The following ABCB1 variants were observed in gnomAD, a reference collection of about 807,000 sequenced individuals.
ABCB1 encodes ATP binding cassette subfamily B member 1, also known as ATP-dependent translocase ABCB1.
ABCB1 carries 69 observed loss-of-function variants against 142.0 expected under a neutral mutation model. That is an observed-to-expected ratio of 0.49 (90% CI 0.40 to 0.59). The LOEUF is 0.59. Ranked by LOEUF, ABCB1 falls within the 20% of genes least tolerant of loss-of-function variation. The probability of loss-of-function intolerance (pLI) is 0.00; values close to 1 mark genes in which losing one functional copy is unlikely to be tolerated. For missense variants in ABCB1, 1,326 were observed against 1,554.7 expected, an observed-to-expected ratio of 0.85 and a Z score of 2.47; for synonymous variants, 532 against 539.2, an observed-to-expected ratio of 0.99 and a Z score of 0.18.
intron 1 of ABCB1, among the ~76,000 whole-genome samples, chr7:87,697,034 A>G (rs536242265): frequency 6.6e-6 from 1 of 152,300 alleles, no homozygotes; most frequent in South Asian, 2.1e-4. Flanking sequence ...AACATCCTAC[A>G]AGTTATTTTC....
At chr7:87,538,198 C>T (rs1008913672) in intron 19 of ABCB1, among the ~76,000 whole-genome samples, 1 of 152,124 alleles carries the variant, frequency 6.6e-6, no homozygotes. Flanking sequence ...CAGCAGTTGG[C>T]CTGGAGGCTG....
At chr7:87,539,373 G>T (rs1479610510) in intron 18 of ABCB1, 28 bp from the exon 19 acceptor site, 1 of 1,600,506 alleles carries the variant, frequency 6.2e-7, no homozygotes, top group African/African-American at 1.3e-5. Context: ...CCTTGTCAGG[G>T]ACCCAGCCAC....
rs200145912 is a variant in ABCB1 at position 87,519,307 on chromosome 7, A to G, written c.2927+19T>C. Reference sequence around the variant, plus strand: ...AGCTTTATTTTTAGAGCTTAACTAAATAATAGCCCAATACTTACAACAGAA... The same window carrying G: ...AGCTTTATTTTTAGAGCTTAACTAAGTAATAGCCCAATACTTACAACAGAA... On this transcript the variant is annotated intron_variant, in intron 23 of 27. Coordinates refer to ENST00000622132, the MANE Select transcript of ABCB1 (RefSeq NM_001348946.2). The G allele has an allele frequency of 2.5e-6, 4 of 1,612,250 alleles. No individual in the cohort carries two copies. Among genetic ancestry groups the G allele is most frequent in the Middle Eastern group, 1.6e-4 (1 of 6,080 alleles).
intron 8 of ABCB1, 90 bp downstream of exon 8, chr7:87,561,173 G>T (rs1272645749): frequency 1.3e-6 from 2 of 1,486,464 alleles, no homozygotes; most frequent in African/African-American, 2.8e-5. Flanking sequence ...ATATATGGGA[G>T]AAAATGCTTA....
intron 1 of ABCB1, among the ~76,000 whole-genome samples, chr7:87,665,992 T>C (rs978944135): frequency 1.1e-4 from 16 of 152,146 alleles, no homozygotes; most frequent in African/African-American, 3.6e-4. Flanking sequence ...TTCCTCTGGG[T>C]ATATACCCGG....
chr7:87,614,470 A>G (rs1261815544), intron 1 of ABCB1, among the ~76,000 whole-genome samples: 2 of 152,172 alleles, frequency 1.3e-5, no homozygotes, highest in African/African-American at 2.4e-5. Context: ...TGAAAGAAAG[A>G]GAAAGAAAGG....
rs1437008229 is a variant in ABCB1 at position 87,546,036 on chromosome 7, G to A, written c.1726-12C>T. ...CGACCTTTTCTGGCCTAAAGAGAGA[G>A]AAATTTGGTTTTTGAATACATTAAC... On this transcript the variant is annotated splice_polypyrimidine_tract_variant and intron_variant, in intron 14 of 27. Transcript: ENST00000622132. 1 of 1,614,024 alleles carries A rather than the reference G, an allele frequency of 6.2e-7. No homozygotes were observed. Among genetic ancestry groups the A allele is most frequent in the South Asian group, 1.1e-5 (1 of 91,084 alleles).
intron 23 of ABCB1, among the ~76,000 whole-genome samples, chr7:87,518,489 C>T (rs1815347258): frequency 1.3e-5 from 2 of 152,158 alleles, no homozygotes; most frequent in Non-Finnish European, 2.9e-5. Flanking sequence ...GTCCAATGTA[C>T]ATCTTTAATG....
At chr7:87,650,159 A>G (rs894077808) in intron 1 of ABCB1, among the ~76,000 whole-genome samples, 1 of 152,178 alleles carries the variant, frequency 6.6e-6, no homozygotes, top group East Asian at 1.9e-4. Flanking sequence ...TACAAGTAGT[A>G]TTACTGTTTT....
chr7:87,636,530 G>A (rs1204537862), intron 1 of ABCB1, among the ~76,000 whole-genome samples: 1 of 152,094 alleles, frequency 6.6e-6, no homozygotes, highest in African/African-American at 2.4e-5. Context: ...TTTTCACTCT[G>A]TAGTATGTTT....
chr7:87,703,885 CTTTTT>C, intron 1 of ABCB1, among the ~76,000 whole-genome samples: 12 of 60,286 alleles, frequency 2.0e-4, no homozygotes, highest in South Asian at 6.3e-4. Context: ...TCAGTTTTTT[CTTTTT>C]TTTTTTTTTT....
At position 87,691,706 on chromosome 7, in the gene ABCB1, A is replaced by G. The variant is rs577212246; in HGVS notation, c.-331+21455T>C. Reference sequence around the variant, plus strand: ...AAATATTTATATTCCTTCCCATTACATGTTTCACTACCTCATGTTTTTCCC... The same window carrying G: ...AAATATTTATATTCCTTCCCATTACGTGTTTCACTACCTCATGTTTTTCCC... On this transcript the variant is annotated intron_variant, in intron 1 of 28. Coordinates refer to the ABCB1 transcript ENST00000265724. 6.6e-5 allele frequency among the ~76,000 whole-genome samples: 10 copies of G among 152,200 alleles called. No individual in the cohort carries two copies. The East Asian group carries it at 1.4e-3, about 21-fold the overall frequency.
chr7:87,593,602 T>C (rs540817130), intron 3 of ABCB1, among the ~76,000 whole-genome samples: 129 of 152,350 alleles, frequency 8.5e-4, no homozygotes, highest in African/African-American at 3.1e-3. Flanking sequence ...GGCCAAACTA[T>C]CTGTACAAAC....
chr7:87,676,427 G>T (rs138661878), intron 1 of ABCB1, among the ~76,000 whole-genome samples: 10 of 152,152 alleles, frequency 6.6e-5, no homozygotes, highest in African/African-American at 2.2e-4. Context: ...GAGGCCAGGC[G>T]CAGTGGCTCA....
chr7:87,598,866 G>C (rs1320187667), intron 2 of ABCB1, among the ~76,000 whole-genome samples: 1 of 152,120 alleles, frequency 6.6e-6, no homozygotes, highest in Non-Finnish European at 1.5e-5. Context: ...AGATACTCCA[G>C]GCTCACTTTC....
intron 1 of ABCB1, among the ~76,000 whole-genome samples, chr7:87,653,483 A>G (rs1022559885): frequency 1.1e-4 from 16 of 152,068 alleles, no homozygotes; most frequent in Non-Finnish European, 1.3e-4. Context: ...TGCTGAAGCA[A>G]TCTACTCAAC....
rs926081975 is a variant in ABCB1 at position 87,516,637 on chromosome 7, T to C, written c.2956A>G (p.Met986Val). The C allele has an allele frequency of 8.1e-6, 13 of 1,613,292 alleles. No homozygotes were observed. In the East Asian group the frequency reaches 2.7e-4, roughly 33 times the overall value. ...LVFSAVVFGA[M>V]AVGQVSSFAP... ...AATGAACTGACTTGCCCCACGGCCATGGCACCAAAGACAACAGCTGAAAAT... is the reference window on the plus strand; with the variant it reads ...AATGAACTGACTTGCCCCACGGCCACGGCACCAAAGACAACAGCTGAAAAT... Residue 986 changes from methionine (M) to valine (V), a missense_variant, in exon 24 of 28, where the codon ATG (methionine) becomes GTG (valine). Physicochemically the swap from Met to Val is conservative, Grantham distance 21 (BLOSUM62 1). Coordinates refer to ENST00000622132, the MANE Select transcript of ABCB1 (RefSeq NM_001348946.2).
intron 21 of ABCB1, chr7:87,521,538 G>T: frequency 1.3e-6 from 1 of 756,716 alleles, no homozygotes; most frequent in South Asian, 1.4e-5. Flanking sequence ...TACATTGGTT[G>T]ACCAATGAGA....
intron 1 of ABCB1, among the ~76,000 whole-genome samples, chr7:87,653,382 G>A (rs1180437870): frequency 6.6e-6 from 1 of 152,084 alleles, no homozygotes; most frequent in Non-Finnish European, 1.5e-5. Flanking sequence ...AGCAACAATT[G>A]CAACCTATTC....
Sources: gnomAD v4.1 joint callset for allele counts (sites outside exome capture counted in the v4.1 genomes callset) on GRCh38, gnomAD v4.1.1 for gene constraint, MANE v1.5 for transcripts, NCBI Gene and HGNC (gene_info 2026-07-23, HGNC 2026-07-21) for gene names.